Variants in HPSE observed in about 807,000 individuals in gnomAD.
The protein encoded by HPSE is endo-glucoronidase.
A neutral mutation model predicts 65.1 loss-of-function variants in HPSE; 48 were observed. The ratio of observed to expected loss-of-function variants is 0.74; its 90% CI spans 0.58 to 0.94. The LOEUF (loss-of-function observed/expected upper bound fraction) is 0.94, where lower values mean the gene tolerates loss of function less well. Among genes scored for constraint, HPSE ranks in the 40% least tolerant of loss-of-function variants. The pLI is 0.00. For synonymous variants in HPSE, 243 were observed against 260.0 expected (o/e 0.93, Z 0.63); for missense variants, 644 against 637.5 (o/e 1.01, Z -0.11).
At chr4:83,295,692 G>C (rs4518235) in intron 11 of HPSE, among the ~76,000 whole-genome samples, 189 bp from the exon 12 acceptor site, 6 of 151,982 alleles carry the variant, frequency 3.9e-5, no homozygotes, top group Non-Finnish European at 7.4e-5. Context: ...ACAATGGCAG[G>C]GATGAGTAGT....
At chr4:83,319,831 T>C (rs1736808986) in intron 2 of HPSE, among the ~76,000 whole-genome samples, 1 of 151,832 alleles carries the variant, frequency 6.6e-6, no homozygotes, top group African/African-American at 2.4e-5. Flanking sequence ...GAGGCTGAGA[T>C]GGGCGAATCA....
intron 3 of HPSE, among the ~76,000 whole-genome samples, chr4:83,318,978 G>A (rs187131135): frequency 1.3e-5 from 2 of 152,102 alleles, no homozygotes; most frequent in South Asian, 2.1e-4. Flanking sequence ...GGAGGGGGAC[G>A]GACCTCAAGG....
Position 83,326,554 on chromosome 4 carries a change from C to T in HPSE, c.228-4190G>A, listed in dbSNP as rs1409075501. On this transcript the variant is annotated intron_variant, in intron 1 of 11. Transcript: ENST00000311412. This position sits in a 1 kb window ranked among gnomAD's most constrained non-coding sequence, Gnocchi z 4.2. Reference sequence around the variant, plus strand: ...GGAACACCAAAAAACATACTTCCATCCATCAGGCGCTTCGCCCTGTGTGTC... The same window carrying T: ...GGAACACCAAAAAACATACTTCCATTCATCAGGCGCTTCGCCCTGTGTGTC... Among the ~76,000 whole-genome samples the T allele has an allele frequency of 1.3e-5, 2 of 152,180 alleles. No individual in the cohort carries two copies. The highest frequency in any genetic ancestry group is 2.9e-5 in the Non-Finnish European group (2 of 68,030).
intron 9 of HPSE, among the ~76,000 whole-genome samples, chr4:83,304,445 A>G (rs866835166): frequency 2.0e-5 from 3 of 152,184 alleles, no homozygotes; most frequent in Non-Finnish European, 4.4e-5. Context: ...TTGGGGTGGC[A>G]TATTCTAGTC....
At chr4:83,313,434 A>G (rs1256741011) in intron 3 of HPSE, 147 bp from the exon 4 acceptor site, 1 of 565,950 alleles carries the variant, frequency 1.8e-6, no homozygotes, top group African/African-American at 1.9e-5. Flanking sequence ...TTTTTGAGAC[A>G]ACAAAATTGG....
chr4:83,317,100 T>C lies in HPSE; in HGVS notation c.499+2244A>G, dbSNP rs112100088. The stretch of plus-strand genomic sequence containing the variant: ...TTTTAGTAGAAATGAGGTTTCACTA[T>C]GTTGGCCAGGTTGGTCTCGAACTCC... On this transcript the variant is annotated intron_variant, in intron 3 of 11. Coordinates refer to ENST00000311412, the MANE Select transcript of HPSE (RefSeq NM_001098540.3). 2.8e-3 allele frequency among the ~76,000 whole-genome samples: 433 copies of C among 152,284 alleles called. 4 individuals are homozygous for C. Among genetic ancestry groups the C allele is most frequent in the African/African-American group, 9.3e-3 (387 of 41,556 alleles).
chr4:83,299,946 G>T (rs527430077), intron 11 of HPSE, among the ~76,000 whole-genome samples: 2 of 152,188 alleles, frequency 1.3e-5, no homozygotes, highest in South Asian at 2.1e-4. Flanking sequence ...GAAGTGATCT[G>T]CCTGCTTCAG....
chr4:83,311,133 G>A (rs1336626384), intron 4 of HPSE, among the ~76,000 whole-genome samples: 1 of 149,680 alleles, frequency 6.7e-6, no homozygotes, highest in Admixed American at 6.7e-5. Context: ...ACATAGTAAA[G>A]CCCTGTTCCA....
chr4:83,319,947 G>A (rs560915154), intron 2 of HPSE, among the ~76,000 whole-genome samples: 1 of 149,762 alleles, frequency 6.7e-6, no homozygotes, highest in Admixed American at 6.7e-5. Flanking sequence ...TTCAACCCAC[G>A]AGGCGGAGGT....
At chr4:83,303,005 A>C (rs916461683) in intron 9 of HPSE, among the ~76,000 whole-genome samples, 1 of 152,188 alleles carries the variant, frequency 6.6e-6, no homozygotes, top group African/African-American at 2.4e-5. Context: ...CTTAAAAAAA[A>C]ATTTATTTTA....
chr4:83,318,357 G>A (rs1736737097), intron 3 of HPSE, among the ~76,000 whole-genome samples: 1 of 152,122 alleles, frequency 6.6e-6, no homozygotes, highest in African/African-American at 2.4e-5. Flanking sequence ...AGGAGTGGTG[G>A]CTCACGCCTG....
upstream of HPSE, chr4:83,334,948 G>A: frequency 8.8e-7 from 1 of 1,133,992 alleles, no homozygotes; most frequent in Non-Finnish European, 1.2e-6. Flanking sequence ...CTCCTCTTCT[G>A]CATCCCTCCC....
chr4:83,322,788 T>TG (rs1491568552), intron 1 of HPSE, among the ~76,000 whole-genome samples: 2,648 of 54,026 alleles, frequency 0.049, 82 homozygotes, highest in African/African-American at 0.073. Flanking sequence ...CAAGAGCTTG[T>TG]TTGTGTGTGT....
At chr4:83,319,495 A>G (rs765221171) in intron 2 of HPSE, 26 bp from the exon 3 acceptor site, 1 of 1,610,256 alleles carries the variant, frequency 6.2e-7, no homozygotes, top group Non-Finnish European at 8.5e-7. Context: ...ATCATTTAGA[A>G]GGTCTGTTTT....
At chr4:83,333,684 A>G (rs1014308748) in intron 1 of HPSE, among the ~76,000 whole-genome samples, 1 of 152,170 alleles carries the variant, frequency 6.6e-6, no homozygotes, top group Admixed American at 6.5e-5. Flanking sequence ...CAGGTAAGGA[A>G]AAAACTTAGA....
At chr4:83,315,344 T>G (rs979406209) in intron 3 of HPSE, among the ~76,000 whole-genome samples, 1 of 152,164 alleles carries the variant, frequency 6.6e-6, no homozygotes, top group East Asian at 1.9e-4. Flanking sequence ...GACCCAGCAT[T>G]CTACTGGATC....
chr4:83,318,787 A>C (rs1372058422), intron 3 of HPSE, among the ~76,000 whole-genome samples: 2 of 151,966 alleles, frequency 1.3e-5, no homozygotes, highest in Non-Finnish European at 2.9e-5. Flanking sequence ...CCTAATTTGA[A>C]GACTGGAAGA....
chr4:83,321,987 CT>C (rs36002405), intron 2 of HPSE, among the ~76,000 whole-genome samples: 19 of 92,560 alleles, frequency 2.1e-4, no homozygotes, highest in African/African-American at 7.2e-4. Flanking sequence ...TCCAGGACGC[CT>C]TTTTTTTTTT....
chr4:83,317,710 C>A (rs938658265), intron 3 of HPSE, among the ~76,000 whole-genome samples: 1 of 152,026 alleles, frequency 6.6e-6, no homozygotes, highest in Non-Finnish European at 1.5e-5. Flanking sequence ...ATGTTTAATG[C>A]GACCCCCCAA....
Sources: gnomAD v4.1 joint callset for allele counts (sites outside exome capture counted in the v4.1 genomes callset) on GRCh38, gnomAD v4.1.1 for gene constraint, Gnocchi (gnomAD v3.1) non-coding constraint, MANE v1.5 for transcripts, NCBI Gene and HGNC (gene_info 2026-07-23, HGNC 2026-07-21) for gene names.